Variants in TWNK observed in about 807,000 individuals in gnomAD.
TWNK encodes T7 gp4-like protein with intramitochondrial nucleoid localization.
TWNK carries 36 observed loss-of-function variants against 58.2 expected under a neutral mutation model. The ratio of observed to expected loss-of-function variants is 0.62; its 90% confidence interval spans 0.47 to 0.82. The LOEUF is 0.82. Ranked by LOEUF, TWNK falls within the 40% of genes least tolerant of loss-of-function variation. The probability of loss-of-function intolerance (pLI) is 0.00; values close to 1 mark genes in which losing one functional copy is unlikely to be tolerated. For missense variants in TWNK, 714 were observed against 881.0 expected, an observed-to-expected ratio of 0.81 and a Z score of 2.40; for synonymous variants, 349 against 348.5, an observed-to-expected ratio of 1.00 and a Z score of -0.02.
At chr10:100,990,651 G>A in intron 3 of TWNK, 108 bp downstream of exon 3, 1 of 1,608,190 alleles carries the variant, frequency 6.2e-7, no homozygotes, top group Non-Finnish European at 8.5e-7. Context: ...CCTATTTTCT[G>A]AGATGTGTGC....
Position 100,987,620 on chromosome 10 carries a change from T to C in TWNK, c.-591T>C. 1.1e-6 allele frequency: 1 copy of C among 919,052 alleles called. No homozygotes were observed. Among genetic ancestry groups the C allele is most frequent in the Non-Finnish European group, 1.6e-6 (1 of 629,500 alleles). The allele number at this position is 919,052 out of a possible 1,614,324, so 56.9% of individuals were successfully genotyped here. ...AGTGGGAGAGAGAAAAGTGGTAACCTGGGGCTGGGGGCCGGCGCGGCGGAG... is the reference window on the plus strand; with the variant it reads ...AGTGGGAGAGAGAAAAGTGGTAACCCGGGGCTGGGGGCCGGCGCGGCGGAG... On this transcript the variant is annotated 5_prime_UTR_variant, in exon 1 of 5. Coordinates refer to ENST00000311916, the MANE Select transcript of TWNK (RefSeq NM_021830.5).
In TWNK at chr10:100,988,585, C is replaced by A. The variant is rs758456031; in HGVS notation, c.375C>A (p.Phe125Leu). The A allele has an allele frequency of 6.2e-7, 1 of 1,613,998 alleles. No individual in the cohort carries two copies. Among genetic ancestry groups the A allele is most frequent in the Non-Finnish European group, 8.5e-7 (1 of 1,180,034 alleles). ...TSLAEGSWED[F>L]QASVEGRGDG... The stretch of plus-strand genomic sequence containing the variant: ...TAGCAGAAGGGAGCTGGGAAGACTT[C>A]CAGGCCAGCGTGGAGGGGCGAGGGG... The change falls in exon 1 of 5, where the codon TTC becomes TTA. Residue 125 changes from phenylalanine (F) to leucine (L), a missense_variant. Coordinates refer to ENST00000311916, the MANE Select transcript of TWNK (RefSeq NM_021830.5). This position sits in a 1 kb window ranked among gnomAD's most constrained non-coding sequence, Gnocchi z 5.2.
chr10:100,993,399 G>A lies in TWNK; in HGVS notation c.1944G>A (p.Val648=). ...LKKIKDDTGP[V]AKKPSSGKKG... ...AGATCAAGGATGACACTGGACCAGTGGCCAAAAAGCCCTCTTCTGGCAAAA... is the reference window on the plus strand; with the variant it reads ...AGATCAAGGATGACACTGGACCAGTAGCCAAAAAGCCCTCTTCTGGCAAAA... Residue 648 remains valine, a synonymous_variant, in exon 5 of 5, where the codon GTG becomes GTA. Coordinates refer to ENST00000311916, the MANE Select transcript of TWNK (RefSeq NM_021830.5). The A allele has an allele frequency of 6.2e-7, 1 of 1,614,146 alleles. No homozygotes were observed. Among genetic ancestry groups the A allele is most frequent in the South Asian group, 1.1e-5 (1 of 91,082 alleles).
intron 4 of TWNK, among the ~76,000 whole-genome samples, chr10:100,991,463 T>C (rs573643856): frequency 2.0e-5 from 3 of 152,198 alleles, no homozygotes; most frequent in Non-Finnish European, 4.4e-5. Context: ...CTGGAGCTTC[T>C]AGTGTTACAC....
intron 4 of TWNK, among the ~76,000 whole-genome samples, chr10:100,992,670 A>C (rs1400830599): frequency 6.6e-6 from 1 of 152,140 alleles, no homozygotes; most frequent in African/African-American, 2.4e-5. Context: ...GCAGCGTCTG[A>C]AACAGTAGCA....
rs61871507 is a variant in TWNK, at chr10:100,993,714, G to A, written c.*204G>A. 9,334 of 628,038 alleles carry A rather than the reference G, an allele frequency of 0.015. 84 individuals are homozygous for A. The highest frequency in any genetic ancestry group is 0.019 in the Non-Finnish European group (6,622 of 357,070). 38.9% of individuals were successfully genotyped at this position (628,038 alleles called of 1,614,324 possible). ...CTGTGTTGCTCAGGCTTTGTTTGAGGTCCTGTATATACAGCACTGAAAAGA... is the reference window on the plus strand; with the variant it reads ...CTGTGTTGCTCAGGCTTTGTTTGAGATCCTGTATATACAGCACTGAAAAGA... On this transcript the variant is annotated 3_prime_UTR_variant, in exon 5 of 5. Coordinates refer to ENST00000311916, the MANE Select transcript of TWNK (RefSeq NM_021830.5).
At chr10:100,990,012 G>A (rs752577234) in intron 2 of TWNK, 128 bp downstream of exon 2, 1 of 1,312,660 alleles carries the variant, frequency 7.6e-7, no homozygotes, top group Admixed American at 1.7e-5. Context: ...TTCAAAGAAT[G>A]AGAGGGCAGG....
chr10:100,993,323 A>G lies in TWNK; in HGVS notation c.1868A>G (p.Lys623Arg), dbSNP rs913331026. The change falls in exon 5 of 5, where the codon AAG (lysine) becomes AGG (arginine). Residue 623 changes from lysine to arginine, a missense_variant. Coordinates refer to ENST00000311916, the MANE Select transcript of TWNK (RefSeq NM_021830.5). ...DVGVFPLEFN[K>R]NSLTFSIPPK... ...GGTGTCTTCCCGCTTGAGTTCAACAAGAACTCCCTCACCTTCTCCATTCCA... is the reference window on the plus strand; with the variant it reads ...GGTGTCTTCCCGCTTGAGTTCAACAGGAACTCCCTCACCTTCTCCATTCCA... 2 of 1,614,230 alleles carry G rather than the reference A, an allele frequency of 1.2e-6. No individual in the cohort carries two copies. Among genetic ancestry groups the G allele is most frequent in the Admixed American group, 1.7e-5 (1 of 60,020 alleles).
intron 4 of TWNK, among the ~76,000 whole-genome samples, chr10:100,992,744 T>C (rs62626291): frequency 1.3e-4 from 20 of 151,610 alleles, no homozygotes; most frequent in African/African-American, 2.9e-4. Flanking sequence ...TCAAAGAGCT[T>C]TGGTCATGGG....
At position 100,987,698 on chromosome 10, in the gene TWNK, C is replaced by T; in HGVS notation, c.-513C>T. 5 of 592,960 alleles carry T rather than the reference C, an allele frequency of 8.4e-6. No individual in the cohort carries two copies. In the South Asian group the frequency reaches 1.0e-4, roughly 12 times the overall value. 36.7% of individuals were successfully genotyped at this position (592,960 alleles called of 1,614,324 possible). On this transcript the variant is annotated 5_prime_UTR_variant, in exon 1 of 5. Transcript: ENST00000311916. ...ACGGGGGAGGATAGAGACTGGCATT[C>T]CTTTGGGCCGGGGGATTGGCGGGAG...
Position 100,993,229 on chromosome 10 carries a change from A to G in TWNK, c.1774A>G (p.Arg592Gly). The change falls in exon 5 of 5, where the codon AGG becomes GGG. Residue 592 changes from arginine (R) to glycine (G), a missense_variant. Arg to Gly is a moderately radical substitution (Grantham distance 125). This residue lies in a region of TWNK where 302 missense variants were observed against 438.6 expected (regional missense o/e 0.69). Transcript: ENST00000311916. Reference sequence around the variant, plus strand: ...AGACAATGTTCTGATCCTGCAGGACAGGAAGCTGGTAACCGGGCCAGGGAA... The same window carrying G: ...AGACAATGTTCTGATCCTGCAGGACGGGAAGCTGGTAACCGGGCCAGGGAA... ...EADNVLILQDRKLVTGPGKRY... is the reference protein window; with the variant it reads ...EADNVLILQDGKLVTGPGKRY... 1.9e-6 allele frequency: 3 copies of G among 1,614,236 alleles called. No individual in the cohort carries two copies. The highest frequency in any genetic ancestry group is 2.5e-6 in the Non-Finnish European group (3 of 1,180,054).
rs1851647809 is a variant in TWNK, at chr10:100,988,460, T to G, written c.250T>G (p.Phe84Val). 3.1e-6 allele frequency: 5 copies of G among 1,614,220 alleles called. No individual in the cohort carries two copies. Among genetic ancestry groups the G allele is most frequent in the Non-Finnish European group, 4.2e-6 (5 of 1,180,036 alleles). ...GHSCLRALSP[F>V]AESSQLKGQT... Reference sequence around the variant, plus strand: ...CAGTTGCCTGCGGGCACTGAGCCCCTTTGCAGAGTCTTCACAGCTCAAAGG... The same window carrying G: ...CAGTTGCCTGCGGGCACTGAGCCCCGTTGCAGAGTCTTCACAGCTCAAAGG... Residue 84 changes from phenylalanine to valine, a missense_variant, in exon 1 of 5, where the codon TTT becomes GTT. Phe to Val is a conservative substitution (Grantham distance 50). Around this residue, in one of 3 missense-constraint regions of TWNK, gnomAD observed 348 missense variants for 388.4 expected, o/e 0.90. Coordinates refer to ENST00000311916, the MANE Select transcript of TWNK (RefSeq NM_021830.5). This position sits in a 1 kb window ranked among gnomAD's most constrained non-coding sequence, Gnocchi z 5.2.
intron 3 of TWNK, 50 bp from the exon 4 acceptor site, chr10:100,990,815 ATGTT>A: frequency 6.2e-7 from 1 of 1,605,242 alleles, no homozygotes; most frequent in Middle Eastern, 1.7e-4. Context: ...GAGTATGTGT[ATGTT>A]CTTGTCCTTC....
intron 4 of TWNK, among the ~76,000 whole-genome samples, chr10:100,992,528 TAAA>T (rs1209775610): frequency 3.8e-4 from 35 of 91,154 alleles, no homozygotes; most frequent in Non-Finnish European, 4.7e-4. Context: ...ACCCTGTCTT[TAAA>T]AAAAAAAAAA....
At position 100,988,639 on chromosome 10, in the gene TWNK, C is replaced by A; in HGVS notation, c.429C>A (p.Ser143Arg). 6.2e-7 allele frequency: 1 copy of A among 1,613,960 alleles called. No individual in the cohort carries two copies. The highest frequency in any genetic ancestry group is 2.2e-5 in the East Asian group (1 of 44,882). The change falls in exon 1 of 5, where the codon AGC (serine) becomes AGA (arginine). Residue 143 changes from serine to arginine, a missense_variant. This residue lies in a region of TWNK where 348 missense variants were observed against 388.4 expected (regional missense o/e 0.90). Transcript: ENST00000311916. This position sits in a 1 kb window ranked among gnomAD's most constrained non-coding sequence, Gnocchi z 5.2. ...GDGAREGFLL[S>R]KAPEFEDSEE... Reference sequence around the variant, plus strand: ...GGGCCAGGGAGGGGTTTCTGCTTAGCAAGGCACCAGAATTTGAGGACAGCG... The same window carrying A: ...GGGCCAGGGAGGGGTTTCTGCTTAGAAAGGCACCAGAATTTGAGGACAGCG...
chr10:100,991,829 G>C (rs1219007027), intron 4 of TWNK, among the ~76,000 whole-genome samples: 1 of 149,894 alleles, frequency 6.7e-6, no homozygotes, highest in Non-Finnish European at 1.5e-5. Context: ...TGCTAACATG[G>C]TGAAACCCTG....
chr10:100,987,569 G>T lies in TWNK; in HGVS notation c.-642G>T. 1.4e-6 allele frequency: 2 copies of T among 1,381,040 alleles called. No homozygotes were observed. Among genetic ancestry groups the T allele is most frequent in the Non-Finnish European group, 1.9e-6 (2 of 1,040,390 alleles). The allele number at this position is 1,381,040 out of a possible 1,614,324, so 85.5% of individuals were successfully genotyped here. ...CTTCCGAGGTCAAGGCGAGTAGCAT[G>T]TGCGGGAGACTCACGTTGCCGGCGA... On this transcript the variant is annotated 5_prime_UTR_variant, in exon 1 of 5. An upstream start codon of the reference 5' UTR is lost. Transcript: ENST00000311916.
chr10:100,989,728 G>C lies in TWNK; in HGVS notation c.1328G>C (p.Ser443Thr). Residue 443 changes from serine (S) to threonine (T), a missense_variant, in exon 2 of 5, where the codon AGC becomes ACC. Physicochemically the swap from Ser to Thr is moderately conservative, Grantham distance 58 (BLOSUM62 1). This residue lies in a region of TWNK where 302 missense variants were observed against 438.6 expected (regional missense o/e 0.69). Transcript: ENST00000311916. This position sits in a 1 kb window ranked among gnomAD's most constrained non-coding sequence, Gnocchi z 7.6. Reference sequence around the variant, plus strand: ...CAGGGGGTGAACACACTGTGGGGTAGCTTCGAGATCAGCAATGTGAGACTA... The same window carrying C: ...CAGGGGGTGAACACACTGTGGGGTACCTTCGAGATCAGCAATGTGAGACTA... ...CSQGVNTLWG[S>T]FEISNVRLAR... 6.2e-7 allele frequency: 1 copy of C among 1,614,210 alleles called. No individual in the cohort carries two copies. Among genetic ancestry groups the C allele is most frequent in the Non-Finnish European group, 8.5e-7 (1 of 1,180,042 alleles).
chr10:100,991,099 G>C lies in TWNK; in HGVS notation c.1734+89G>C. The C allele has an allele frequency of 8.2e-6, 13 of 1,588,628 alleles. 1 individual carries two copies. The South Asian group carries it at 1.1e-4, about 14-fold the overall frequency. On this transcript the variant is annotated intron_variant, in intron 4 of 4. Coordinates refer to ENST00000311916, the MANE Select transcript of TWNK (RefSeq NM_021830.5). ...GCCCTCATTCAGCCTTAATCGTCTT[G>C]ACTGTCCATCCGAACAGGCAGGAGG... is the stretch of plus-strand genomic sequence containing the variant.
Sources: gnomAD v4.1 joint callset for allele counts (sites outside exome capture counted in the v4.1 genomes callset) on GRCh38, gnomAD v4.1.1 for gene constraint, gnomAD v4.1.1 regional missense constraint, Gnocchi (gnomAD v3.1) non-coding constraint, MANE v1.5 for transcripts, NCBI Gene and HGNC (gene_info 2026-07-23, HGNC 2026-07-21) for gene names.